ELMO1: variants seen among roughly 807,000 people sequenced by gnomAD.
ELMO1 encodes engulfment and cell motility 1, also known as engulfment and cell motility protein 1.
In ELMO1, 26 loss-of-function variants were observed where a neutral mutation model predicts 98.9. The observed-to-expected ratio is 0.26, with a 90% confidence interval of 0.19 to 0.36. ELMO1 has a LOEUF of 0.36. ELMO1 is among the 10% of genes least tolerant of loss of function. The pLI is 1.00. For synonymous variants in ELMO1, 346 were observed against 346.0 expected (o/e 1.00, Z 0.00); for missense variants, 627 against 935.2 (o/e 0.67, Z 4.30).
chr7:36,902,622 CA>C (rs1365158805), intron 16 of ELMO1, among the ~76,000 whole-genome samples: 4 of 152,208 alleles, frequency 2.6e-5, no homozygotes, highest in African/African-American at 9.6e-5. Flanking sequence ...TTCTTGAATG[CA>C]AACCACTGAC....
At chr7:37,031,630 T>C (rs559161972) in intron 15 of ELMO1, among the ~76,000 whole-genome samples, 1 of 152,158 alleles carries the variant, frequency 6.6e-6, no homozygotes, top group African/African-American at 2.4e-5. Context: ...TCCAATGCTC[T>C]GTTTGCTTTT....
chr7:37,213,280 T>C lies in ELMO1; in HGVS notation c.954+55A>G, dbSNP rs953861394. 81 of 1,581,424 alleles carry C rather than the reference T, an allele frequency of 5.1e-5. No homozygotes were observed. In the Admixed American group the frequency reaches 1.4e-3, roughly 28 times the overall value. ...TTCAGGGTACCTCAAGAAAAGACTT[T>C]TAATGACACTTTCTGTCCTTCCTGT... On this transcript the variant is annotated intron_variant, in intron 12 of 21. Transcript: ENST00000310758.
chr7:37,216,523 C>A, intron 11 of ELMO1, 122 bp downstream of exon 11: 1 of 1,140,310 alleles, frequency 8.8e-7, no homozygotes, highest in Non-Finnish European at 1.3e-6. Flanking sequence ...ATTAGAGTTC[C>A]TACTGCTTCA....
chr7:37,435,816 C>T (rs1469652955), intron 1 of ELMO1, among the ~76,000 whole-genome samples: 1 of 152,038 alleles, frequency 6.6e-6, no homozygotes, highest in African/African-American at 2.4e-5. Flanking sequence ...ATTACACGCT[C>T]TTCTCTCTAC....
intron 16 of ELMO1, among the ~76,000 whole-genome samples, chr7:36,904,461 C>T (rs1255699334): frequency 6.6e-6 from 1 of 152,084 alleles, no homozygotes; most frequent in Non-Finnish European, 1.5e-5. Context: ...TGTTGAGGGC[C>T]TTGGTGTTAG....
intron 1 of ELMO1, among the ~76,000 whole-genome samples, chr7:37,379,185 G>A (rs1368649388): frequency 3.3e-5 from 5 of 151,906 alleles, no homozygotes; most frequent in Non-Finnish European, 5.9e-5. Context: ...GACTACAGGC[G>A]CCTACCACCA....
intron 15 of ELMO1, among the ~76,000 whole-genome samples, chr7:37,053,319 C>G (rs1796216809): frequency 6.6e-6 from 1 of 150,768 alleles, no homozygotes. Flanking sequence ...CACACACACA[C>G]ACACACACAC....
At chr7:37,171,417 T>C (rs1790144050) in intron 13 of ELMO1, among the ~76,000 whole-genome samples, 1 of 151,636 alleles carries the variant, frequency 6.6e-6, no homozygotes, top group Admixed American at 6.6e-5. Context: ...AAATATCTGA[T>C]TTCTAGGTAA....
At chr7:37,146,951 G>T (rs1788028791) in intron 13 of ELMO1, among the ~76,000 whole-genome samples, 1 of 152,088 alleles carries the variant, frequency 6.6e-6, no homozygotes, top group Non-Finnish European at 1.5e-5. Flanking sequence ...CTTGCAACTT[G>T]GGCAAGACAA....
At chr7:37,043,484 G>T (rs1312369590) in intron 15 of ELMO1, among the ~76,000 whole-genome samples, 1 of 152,228 alleles carries the variant, frequency 6.6e-6, no homozygotes, top group Non-Finnish European at 1.5e-5. Context: ...GTTTTGGAGT[G>T]ATGCAAATGG....
At chr7:36,865,315 A>G (rs1314183405) in intron 20 of ELMO1, among the ~76,000 whole-genome samples, 1 of 152,220 alleles carries the variant, frequency 6.6e-6, no homozygotes, top group African/African-American at 2.4e-5. Context: ...ATGGTCACAG[A>G]AATAGCAGTA....
At chr7:37,338,721 T>C (rs1800555733) in intron 2 of ELMO1, among the ~76,000 whole-genome samples, 1 of 152,144 alleles carries the variant, frequency 6.6e-6, no homozygotes, top group Admixed American at 6.5e-5. Flanking sequence ...AGCCTTGATA[T>C]ATCCAGACAA....
intron 2 of ELMO1, among the ~76,000 whole-genome samples, chr7:37,341,185 A>G (rs1347530509): frequency 1.3e-5 from 2 of 152,210 alleles, no homozygotes; most frequent in African/African-American, 4.8e-5. Context: ...GAGAAGGGCA[A>G]TGCAACAAGA....
chr7:37,167,371 TC>T (rs1339636817), intron 13 of ELMO1, among the ~76,000 whole-genome samples: 1 of 152,026 alleles, frequency 6.6e-6, no homozygotes, highest in Non-Finnish European at 1.5e-5. Flanking sequence ...GTGAATTTGA[TC>T]CTGTCATTAT....
At chr7:37,054,284 G>A (rs1167031452) in intron 15 of ELMO1, among the ~76,000 whole-genome samples, 1 of 152,108 alleles carries the variant, frequency 6.6e-6, no homozygotes, top group East Asian at 1.9e-4. Context: ...ATTTAAAAAT[G>A]TCAGTGGCAA....
At chr7:37,150,963 A>G (rs1411549574) in intron 13 of ELMO1, among the ~76,000 whole-genome samples, 1 of 152,242 alleles carries the variant, frequency 6.6e-6, no homozygotes, top group African/African-American at 2.4e-5. Context: ...TACTCGCTGA[A>G]GCGCCTCCCT....
chr7:36,978,845 T>G (rs914471362), intron 16 of ELMO1, among the ~76,000 whole-genome samples: 4 of 152,170 alleles, frequency 2.6e-5, no homozygotes, highest in Non-Finnish European at 2.9e-5. Context: ...TAAACAAGGA[T>G]GAGTTGTTAG....
At chr7:37,391,648 C>G (rs949279253) in intron 1 of ELMO1, among the ~76,000 whole-genome samples, 1 of 152,180 alleles carries the variant, frequency 6.6e-6, no homozygotes, top group African/African-American at 2.4e-5. Flanking sequence ...GGGTCTCTAG[C>G]CACTGAGCCA....
intron 15 of ELMO1, among the ~76,000 whole-genome samples, chr7:37,071,673 C>T (rs1018813964): frequency 1.3e-5 from 2 of 151,978 alleles, no homozygotes; most frequent in African/African-American, 4.8e-5. Flanking sequence ...ATAACATCTT[C>T]CTTTATTTGG....
Sources: allele counts gnomAD v4.1 joint callset (sites outside exome capture counted in the v4.1 genomes callset), GRCh38; gene constraint gnomAD v4.1.1; transcripts MANE v1.5; gene names NCBI Gene and HGNC (gene_info 2026-07-23, HGNC 2026-07-21).